Variants in ZNF331 observed in about 807,000 individuals in gnomAD.
ZNF331 encodes the protein zinc finger protein 331.
ZNF331 carries 2 observed loss-of-function variants against 7.0 expected under a neutral mutation model. The observed-to-expected ratio is 0.29, with a 90% CI of 0.12 to 0.90. The LOEUF is 0.90. Among genes scored for constraint, ZNF331 ranks in the 40% least tolerant of loss-of-function variants. The pLI is 0.58. For missense variants in ZNF331, 432 were observed against 587.7 expected, an observed-to-expected ratio of 0.74 and a Z score of 2.74; for synonymous variants, 196 against 205.4, an observed-to-expected ratio of 0.95 and a Z score of 0.39.
intron 2 of ZNF331, among the ~76,000 whole-genome samples, chr19:53,553,361 T>C (rs906914818): frequency 1.3e-5 from 2 of 152,102 alleles, no homozygotes; most frequent in African/African-American, 4.8e-5. Flanking sequence ...ATTGTGAATG[T>C]CCTGGCGGTG....
chr19:53,508,425 C>A, the ZNF331 span, among the ~76,000 whole-genome samples: 57 of 152,250 alleles, frequency 3.7e-4, no homozygotes, highest in African/African-American at 1.3e-3. Context: ...ATCACTAAAT[C>A]TACTAAAAAT....
At chr19:53,541,150 C>T (rs1040581216) in intron 2 of ZNF331, among the ~76,000 whole-genome samples, 2 of 147,846 alleles carry the variant, frequency 1.4e-5, no homozygotes, top group East Asian at 2.0e-4. Context: ...TCTTGTTGCC[C>T]AGGCTGGAGT....
the ZNF331 span, chr19:53,503,324 C>T: frequency 7.9e-6 from 3 of 379,772 alleles, no homozygotes; most frequent in South Asian, 6.5e-5. Context: ...AAATGTCGCT[C>T]ATGCATCACG....
intron 5 of ZNF331, among the ~76,000 whole-genome samples, chr19:53,574,710 C>T (rs1204270408): frequency 1.3e-5 from 2 of 152,178 alleles, no homozygotes; most frequent in African/African-American, 4.8e-5. Flanking sequence ...CTGGTTGTAG[C>T]TCCTCTTTGC....
intron 1 of ZNF331, among the ~76,000 whole-genome samples, chr19:53,522,299 G>A (rs1041914879): frequency 4.0e-5 from 6 of 150,040 alleles, no homozygotes; most frequent in African/African-American, 9.8e-5. Context: ...GTCGCCCAGG[G>A]CTGGAGTGCA....
intron 3 of ZNF331, among the ~76,000 whole-genome samples, chr19:53,569,003 C>T (rs1328580825): frequency 2.0e-5 from 3 of 151,954 alleles, no homozygotes; most frequent in Admixed American, 6.6e-5. Context: ...ACTACAGGCA[C>T]GTGCCACCAC....
At chr19:53,521,321 A>AGTGTGTGTGT (rs766042196) in exon 1 of ZNF331, 2 of 89,754 alleles carry the variant, frequency 2.2e-5, no homozygotes, top group Admixed American at 1.1e-4. Flanking sequence ...GGGAAGTGGG[A>AGTGTGTGTGT]GTGTGTGTGA....
chr19:53,543,294 T>G (rs2088310977), intron 2 of ZNF331, among the ~76,000 whole-genome samples: 1 of 152,166 alleles, frequency 6.6e-6, no homozygotes, highest in South Asian at 2.1e-4. Context: ...AGACGGAGTC[T>G]CGCCCTGTCT....
rs1476651136 is a variant in ZNF331, at chr19:53,577,920, C to T, written c.1360C>T (p.Leu454Phe). ...GAAGGCATGTAACCACCTAAACCAT[C>T]TCCGAGAACATCAGAGGATCCACAA... The part of the protein sequence containing the change: ...CGKACNHLNH[L>F]REHQRIHNS The change falls in exon 6 of 6, where the codon CTC (leucine) becomes TTC (phenylalanine). Residue 454 changes from leucine (L) to phenylalanine (F), a missense_variant. Leu to Phe is a conservative substitution (Grantham distance 22). This residue lies in a region of ZNF331 where 312 missense variants were observed against 448.6 expected (regional missense o/e 0.70). Transcript: ENST00000449416. 2 of 1,613,240 alleles carry T rather than the reference C, an allele frequency of 1.2e-6. No homozygotes were observed. Among genetic ancestry groups the T allele is most frequent in the African/African-American group, 2.7e-5 (2 of 74,942 alleles).
chr19:53,559,982 CACACACCATATAT>C (rs1331542295), intron 3 of ZNF331, among the ~76,000 whole-genome samples: 5 of 150,632 alleles, frequency 3.3e-5, no homozygotes, highest in Non-Finnish European at 7.4e-5. Flanking sequence ...CACATATATA[CACACACCATATAT>C]ACACACACAT....
chr19:53,568,265 G>T (rs1041530203), intron 3 of ZNF331, among the ~76,000 whole-genome samples: 1 of 151,202 alleles, frequency 6.6e-6, no homozygotes, highest in Non-Finnish European at 1.5e-5. Flanking sequence ...AAAAAAGTAC[G>T]TAAGTTGAAG....
At chr19:53,551,043 G>T (rs568273679) in intron 2 of ZNF331, among the ~76,000 whole-genome samples, 2 of 150,790 alleles carry the variant, frequency 1.3e-5, no homozygotes, top group Non-Finnish European at 2.9e-5. Flanking sequence ...ATGTTGGTCA[G>T]GCTGGTGTCG....
the ZNF331 span, among the ~76,000 whole-genome samples, chr19:53,506,125 G>A: frequency 1.4e-5 from 2 of 147,892 alleles, no homozygotes; most frequent in African/African-American, 2.5e-5. Flanking sequence ...CACGAGGTCA[G>A]GAGATCGAGA....
chr19:53,575,499 C>CTTTT lies in ZNF331; in HGVS notation c.137-1179_137-1176dup, dbSNP rs34296898. ...AATGTTGTATTCTTTTACCCAGTTG[C>CTTTT]TTTTTTTTTTTTTTTTTTTTTTGAG... On this transcript the variant is annotated intron_variant, in intron 5 of 5. Transcript: ENST00000449416. Among the ~76,000 whole-genome samples, 103 of 75,882 alleles carry CTTTT rather than the reference C, an allele frequency of 1.4e-3. 1 individual carries two copies. The highest frequency in any genetic ancestry group is 1.8e-3 in the Non-Finnish European group (73 of 40,728). 49.8% of individuals were successfully genotyped at this position (75,882 alleles called of 152,430 possible).
intron 3 of ZNF331, among the ~76,000 whole-genome samples, chr19:53,568,943 G>A (rs371678287): frequency 2.9e-5 from 4 of 138,708 alleles, no homozygotes; most frequent in African/African-American, 1.1e-4. Context: ...TGCAACCTCC[G>A]CCTCCCGGGT....
At chr19:53,506,432 C>G in the ZNF331 span, among the ~76,000 whole-genome samples, 28 of 91,610 alleles carry the variant, frequency 3.1e-4, no homozygotes, top group African/African-American at 6.7e-4. Flanking sequence ...CTCTCTCTCT[C>G]TCTCTCTCTC....
At chr19:53,523,813 A>G (rs2708768) in intron 2 of ZNF331, among the ~76,000 whole-genome samples, 52,304 of 151,732 alleles carry the variant, frequency 0.34, 9,736 homozygotes, top group African/African-American at 0.49. Flanking sequence ...TGTGCACAAT[A>G]TGCAGGTTTA....
intron 5 of ZNF331, among the ~76,000 whole-genome samples, chr19:53,574,942 T>C (rs1408744623): frequency 2.7e-5 from 4 of 148,388 alleles, no homozygotes; most frequent in East Asian, 1.9e-4. Context: ...CTTTTCTTTT[T>C]TTTTTTTTTT....
intron 2 of ZNF331, among the ~76,000 whole-genome samples, chr19:53,530,485 G>A (rs1379894542): frequency 6.6e-6 from 1 of 152,232 alleles, no homozygotes; most frequent in Admixed American, 6.5e-5. Flanking sequence ...CAGGTTCCAT[G>A]TGTAGGTAAA....
Sources: gnomAD v4.1 joint callset for allele counts (sites outside exome capture counted in the v4.1 genomes callset) on GRCh38, gnomAD v4.1.1 for gene constraint, gnomAD v4.1.1 regional missense constraint, MANE v1.5 for transcripts, NCBI Gene and HGNC (gene_info 2026-07-23, HGNC 2026-07-21) for gene names.